Variants in PIK3R1 observed in about 807,000 individuals in gnomAD.
PIK3R1 encodes phosphoinositide-3-kinase regulatory subunit 1, also known as phosphatidylinositol 3-kinase regulatory subunit alpha.
Under a neutral mutation model 98.0 loss-of-function variants are expected in PIK3R1, and 29 were observed. The observed-to-expected ratio is 0.30, with a 90% CI of 0.22 to 0.40. PIK3R1 has a LOEUF of 0.40. Ranked by LOEUF, PIK3R1 falls within the 10% of genes least tolerant of loss-of-function variation. The pLI is 1.00. For synonymous variants in PIK3R1, 282 were observed against 311.8 expected (o/e 0.90, Z 1.01); for missense variants, 596 against 872.7 (o/e 0.68, Z 3.99).
Position 68,296,180 on chromosome 5 carries a change from A to C in PIK3R1, c.1824A>C (p.Ser608=), listed in dbSNP as rs1747702553. 6.2e-7 allele frequency: 1 copy of C among 1,613,966 alleles called. No individual in the cohort carries two copies. The highest frequency in any genetic ancestry group is 1.3e-5 in the African/African-American group (1 of 74,912). ...LGNENTEDQY[S]LVEDDEDLPH... The stretch of plus-strand genomic sequence containing the variant: ...TGTCCTGCCTGCCTAGCCAATATTC[A>C]CTGGTGGAAGATGATGAAGATTTGC... Residue 608 remains serine, a synonymous_variant, in exon 15 of 16, where the codon TCA becomes TCC. Transcript: ENST00000521381.
At chr5:68,250,046 G>A (rs181114776) in intron 2 of PIK3R1, among the ~76,000 whole-genome samples, 10 of 152,316 alleles carry the variant, frequency 6.6e-5, no homozygotes, top group African/African-American at 2.4e-4. Flanking sequence ...CTTAATGGAG[G>A]GAAGCTGAGA....
chr5:68,268,077 G>A (rs1054887247), intron 2 of PIK3R1, among the ~76,000 whole-genome samples: 1 of 151,940 alleles, frequency 6.6e-6, no homozygotes, highest in African/African-American at 2.4e-5. Context: ...CACGATGCCT[G>A]TCATGTTTAT....
intron 2 of PIK3R1, among the ~76,000 whole-genome samples, chr5:68,247,577 C>G (rs1406380545): frequency 7.1e-6 from 1 of 140,658 alleles, no homozygotes; most frequent in South Asian, 2.3e-4. Context: ...TGCACGTGGC[C>G]TTTTTTTTTT....
chr5:68,238,394 T>G (rs1385423164), intron 2 of PIK3R1, among the ~76,000 whole-genome samples: 1 of 152,160 alleles, frequency 6.6e-6, no homozygotes, highest in African/African-American at 2.4e-5. Flanking sequence ...ACTGGAGATT[T>G]GAAAGAAGAG....
chr5:68,244,517 C>A (rs866616951), intron 2 of PIK3R1, among the ~76,000 whole-genome samples: 25 of 26,908 alleles, frequency 9.3e-4, no homozygotes, highest in Middle Eastern at 0.014. Flanking sequence ...CTAGGACCGC[C>A]CCCCCGCCCC....
At chr5:68,284,043 G>A (rs1299034081) in intron 7 of PIK3R1, among the ~76,000 whole-genome samples, 2 of 152,192 alleles carry the variant, frequency 1.3e-5, no homozygotes, top group African/African-American at 4.8e-5. Flanking sequence ...GTGGGCTTCT[G>A]ACTCAAATAG....
chr5:68,220,985 C>T (rs1016951099), intron 1 of PIK3R1, among the ~76,000 whole-genome samples: 1 of 152,166 alleles, frequency 6.6e-6, no homozygotes, highest in Non-Finnish European at 1.5e-5. Flanking sequence ...GGAGGTAGGG[C>T]CTAATAGGAG....
At chr5:68,283,104 T>C (rs1471830510) in intron 7 of PIK3R1, among the ~76,000 whole-genome samples, 2 of 152,146 alleles carry the variant, frequency 1.3e-5, no homozygotes, top group East Asian at 3.8e-4. Context: ...TTTCTTAGAG[T>C]CCTTCAGCAT....
In PIK3R1 at chr5:68,219,933, T is replaced by C. The variant is rs184441600; in HGVS notation, c.-387+3984T>C. 1.1e-4 allele frequency among the ~76,000 whole-genome samples: 16 copies of C among 152,322 alleles called. 1 individual carries two copies. The East Asian group carries it at 3.1e-3, about 29-fold the overall frequency. On this transcript the variant is annotated intron_variant, in intron 1 of 15. Coordinates refer to ENST00000521381, the MANE Select transcript of PIK3R1 (RefSeq NM_181523.3). ...TCTGCTTGTTTTCTCATCTGTAAAA[T>C]AGAGATAATTGTTGTACTTAGAGTG... is the stretch of plus-strand genomic sequence containing the variant.
chr5:68,279,311 C>G (rs775081327), intron 4 of PIK3R1, among the ~76,000 whole-genome samples: 6 of 151,964 alleles, frequency 3.9e-5, no homozygotes, highest in Admixed American at 2.0e-4. Context: ...TTTTTGTTGC[C>G]CCAAAGTGTG....
At chr5:68,236,636 A>G (rs1478582146) in intron 2 of PIK3R1, among the ~76,000 whole-genome samples, 1 of 152,206 alleles carries the variant, frequency 6.6e-6, no homozygotes, top group African/African-American at 2.4e-5. Context: ...TATCATAGTG[A>G]TGGCACATTG....
At chr5:68,275,925 G>A (rs1436144552) in intron 4 of PIK3R1, among the ~76,000 whole-genome samples, 1 of 152,138 alleles carries the variant, frequency 6.6e-6, no homozygotes, top group East Asian at 1.9e-4. Context: ...ATTAGCACCT[G>A]TTATGCTAGT....
intron 1 of PIK3R1, among the ~76,000 whole-genome samples, chr5:68,220,354 A>T (rs1023397322): frequency 3.3e-5 from 5 of 152,156 alleles, no homozygotes; most frequent in Non-Finnish European, 7.3e-5. Context: ...CTGCCCCCTC[A>T]GGTCCTCTTC....
chr5:68,255,286 T>C (rs996322860), intron 2 of PIK3R1, among the ~76,000 whole-genome samples: 1 of 152,202 alleles, frequency 6.6e-6, no homozygotes, highest in Non-Finnish European at 1.5e-5. Flanking sequence ...AACCCACTCT[T>C]ACCGATAAAG....
At chr5:68,216,466 G>C (rs886131412) in intron 1 of PIK3R1, among the ~76,000 whole-genome samples, 2 of 152,146 alleles carry the variant, frequency 1.3e-5, no homozygotes, top group Non-Finnish European at 2.9e-5. Context: ...AGGCGGCGGT[G>C]GTCCCCGGAG....
At chr5:68,261,264 C>A (rs76410712) in intron 2 of PIK3R1, among the ~76,000 whole-genome samples, 4,080 of 152,220 alleles carry the variant, frequency 0.027, 85 homozygotes, top group African/African-American at 0.05. Context: ...AGAATTTAAG[C>A]ACTAGAAATG....
intron 2 of PIK3R1, among the ~76,000 whole-genome samples, chr5:68,262,521 GATAC>G (rs1212366020): frequency 5.8e-5 from 5 of 85,526 alleles, no homozygotes; most frequent in South Asian, 3.6e-4. Context: ...TATACATATA[GATAC>G]ATAGCTATAT....
Position 68,295,202 on chromosome 5 carries a change from TAGA to T in PIK3R1, c.1630_1632del (p.Arg544del), listed in dbSNP as rs1370788402. 6.2e-7 allele frequency: 1 copy of T among 1,613,734 alleles called. No individual in the cohort carries two copies. Among genetic ancestry groups the T allele is most frequent in the Non-Finnish European group, 8.5e-7 (1 of 1,179,810 alleles). On this transcript the variant is annotated inframe_deletion, in exon 13 of 16. Coordinates refer to ENST00000521381, the MANE Select transcript of PIK3R1 (RefSeq NM_181523.3). ...CTCGAATCAGTGAAATTATTGACAG[TAGA>T]AGAAGATTGGAAGAAGACTTGAAGA...
intron 2 of PIK3R1, among the ~76,000 whole-genome samples, chr5:68,252,828 T>C (rs1318268041): frequency 6.6e-6 from 1 of 152,202 alleles, no homozygotes; most frequent in African/African-American, 2.4e-5. Context: ...TCTTAGCAAC[T>C]TTGCTAAGTA....
Sources: gnomAD v4.1 joint callset for allele counts (sites outside exome capture counted in the v4.1 genomes callset) on GRCh38, gnomAD v4.1.1 for gene constraint, MANE v1.5 for transcripts, NCBI Gene and HGNC (gene_info 2026-07-23, HGNC 2026-07-21) for gene names.